The following PDXDC1 variants were observed in gnomAD, a reference collection of about 807,000 sequenced individuals.
PDXDC1 encodes the protein pyridoxal dependent decarboxylase domain containing 1.
PDXDC1 carries 42 observed loss-of-function variants against 100.1 expected under a neutral mutation model. That is an observed-to-expected ratio of 0.42 (90% CI 0.33 to 0.54). The LOEUF (loss-of-function observed/expected upper bound fraction) is 0.54. PDXDC1 is among the 20% of genes least tolerant of loss of function. The pLI is 0.10. For missense variants in PDXDC1, 636 were observed against 979.2 expected, an observed-to-expected ratio of 0.65 and a Z score of 4.68; for synonymous variants, 260 against 371.7, an observed-to-expected ratio of 0.70 and a Z score of 3.46.
At chr16:15,097,553 A>C (rs932902432) in intron 16 of PDXDC1, among the ~76,000 whole-genome samples, 56 of 150,700 alleles carry the variant, frequency 3.7e-4, no homozygotes, top group South Asian at 1.3e-3. Context: ...GAGGCAGGAG[A>C]ATGGCATGAA....
At position 15,136,214 on chromosome 16, in the gene PDXDC1, C is replaced by T. The variant is rs1031414558; in HGVS notation, c.1400-2665C>T. 4 of 652,020 alleles carry T rather than the reference C, an allele frequency of 6.1e-6. No individual in the cohort carries two copies. The African/African-American group carries it at 7.3e-5, about 12-fold the overall frequency. The allele number at this position is 652,020 out of a possible 1,614,324, so 40.4% of individuals were successfully genotyped here. ...CACAGCAGCCCGCTGGGAGCCCCAT[C>T]ACTGTCCCCCTTTCCAGATGGGGAA... On this transcript the variant is annotated intron_variant, in intron 16 of 16. Transcript: ENST00000535621.
intron 3 of PDXDC1, among the ~76,000 whole-genome samples, chr16:14,998,751 G>C (rs8050466): frequency 1.3e-5 from 2 of 152,260 alleles, no homozygotes; most frequent in Admixed American, 6.5e-5. Flanking sequence ...CACTGTGCCC[G>C]GCCTACATTT....
At chr16:15,014,173 C>G (rs1401762552) in intron 8 of PDXDC1, among the ~76,000 whole-genome samples, 1 of 151,800 alleles carries the variant, frequency 6.6e-6, no homozygotes, top group Admixed American at 6.6e-5. Context: ...CGCTGCTGCA[C>G]TCCGGCCTGG....
chr16:15,029,758 G>T (rs56859518), intron 15 of PDXDC1, 193 bp from the exon 16 acceptor site: 123,839 of 543,218 alleles, frequency 0.23, 8,457 homozygotes, highest in East Asian at 0.5. Context: ...TTTCTACAAT[G>T]AACTTGTATT....
rs1422376465 is a variant in PDXDC1, at chr16:15,137,631, T to C, written c.1400-1248T>C. The stretch of plus-strand genomic sequence containing the variant: ...CGCCCGCCGCACTCACAGGCTCCCA[T>C]GCTGTTCCCTTGGCCCGGAGCCCCC... On this transcript the variant is annotated intron_variant, in intron 16 of 16. Coordinates refer to the PDXDC1 transcript ENST00000535621. 9.8e-6 allele frequency: 13 copies of C among 1,331,580 alleles called. No homozygotes were observed. The Admixed American group carries it at 9.9e-5, about 10-fold the overall frequency. The allele number at this position is 1,331,580 out of a possible 1,614,324, so 82.5% of individuals were successfully genotyped here. A position where few individuals can be genotyped will look rare whatever the true frequency, so the allele number is the denominator to read the frequency against.
At chr16:15,128,288 T>C (rs757369026) in intron 16 of PDXDC1, 1 of 1,610,654 alleles carries the variant, frequency 6.2e-7, no homozygotes, top group East Asian at 2.2e-5. Flanking sequence ...ATCCGGAAGA[T>C]GTCCAGGCTG....
At chr16:15,145,749 C>T in the PDXDC1 span, among the ~76,000 whole-genome samples, 1 of 152,280 alleles carries the variant, frequency 6.6e-6, no homozygotes, top group Non-Finnish European at 1.5e-5. Context: ...GCTGCGCTCA[C>T]TCTGCAGGGA....
intron 16 of PDXDC1, among the ~76,000 whole-genome samples, chr16:15,122,068 G>A (rs991328288): frequency 1.8e-4 from 27 of 151,478 alleles, no homozygotes; most frequent in African/African-American, 6.0e-4. Flanking sequence ...GGAGGCTGAG[G>A]CAGGACAATT....
chr16:15,054,140 A>C (rs1332007089), intron 16 of PDXDC1, among the ~76,000 whole-genome samples: 2 of 152,276 alleles, frequency 1.3e-5, no homozygotes, highest in African/African-American at 4.8e-5. Context: ...GCCGCGCCCC[A>C]GGCGGCTTGC....
chr16:15,077,530 G>A (rs1168300871), intron 16 of PDXDC1, among the ~76,000 whole-genome samples: 1 of 152,066 alleles, frequency 6.6e-6, no homozygotes, highest in African/African-American at 2.4e-5. Flanking sequence ...CAGCCATGTG[G>A]AACTGTAAGT....
chr16:14,987,770 C>T (rs1314014895), intron 1 of PDXDC1, among the ~76,000 whole-genome samples: 1 of 152,278 alleles, frequency 6.6e-6, no homozygotes, highest in African/African-American at 2.4e-5. Context: ...CCCCACCACG[C>T]CTGGCTAATT....
At chr16:15,066,808 C>T (rs889241405) in intron 16 of PDXDC1, among the ~76,000 whole-genome samples, 5 of 151,534 alleles carry the variant, frequency 3.3e-5, no homozygotes, top group African/African-American at 1.2e-4. Context: ...ATGGTACACG[C>T]CTTTATTTAC....
the PDXDC1 span, among the ~76,000 whole-genome samples, chr16:15,147,390 CA>C: frequency 4.6e-5 from 7 of 152,334 alleles, no homozygotes; most frequent in African/African-American, 1.4e-4. Flanking sequence ...CTCAGAGCCT[CA>C]ATTTCCTGGT....
the PDXDC1 span, among the ~76,000 whole-genome samples, chr16:15,148,540 G>A: frequency 4.8e-4 from 72 of 151,154 alleles, 1 homozygote; most frequent in African/African-American, 1.0e-3. Flanking sequence ...ACACCACCAC[G>A]CCCGGCCAAT....
rs57542228 is a variant in PDXDC1 at position 15,032,668 on chromosome 16, A to AAAAAAAAAAAAAAAAAAAAG, written c.1572-192_1572-191insAAAAAAAAAAAAAAAAAAGA. 1.5e-3 allele frequency: 565 copies of AAAAAAAAAAAAAAAAAAAAG among 379,996 alleles called. 27 individuals carry two copies. Among genetic ancestry groups the AAAAAAAAAAAAAAAAAAAAG allele is most frequent in the African/African-American group, 6.4e-3 (288 of 44,884 alleles). 23.5% of individuals were successfully genotyped at this position (379,996 alleles called of 1,614,324 possible). On this transcript the variant is annotated intron_variant, in intron 17 of 22. Coordinates refer to ENST00000396410, the MANE Select transcript of PDXDC1 (RefSeq NM_015027.4). ...GACCCTGCTTTAAAAAAAAAAAAAA[A>AAAAAAAAAAAAAAAAAAAAG]AGGCTTTCCTGTGACTTTCTCTTTA...
chr16:15,031,098 GCAC>G (rs2043032249), intron 16 of PDXDC1, among the ~76,000 whole-genome samples: 2 of 146,460 alleles, frequency 1.4e-5, no homozygotes, highest in South Asian at 2.2e-4. Flanking sequence ...CTACAGGCGA[GCAC>G]CACCACATCT....
intron 6 of PDXDC1, 105 bp from the exon 7 acceptor site, chr16:15,008,674 T>C: frequency 9.3e-7 from 1 of 1,077,194 alleles, no homozygotes; most frequent in Non-Finnish European, 1.4e-6. Context: ...GGAGAGAGAT[T>C]TCTTAGAAGA....
rs532826985 is a variant in PDXDC1 at position 15,130,635 on chromosome 16, C to T, written c.1400-8244C>T. ...TGCCAGGCCGGCCCGCAGAGCTCACCCCGGGGAAATGAAGAAGGTGTAGGG... is the reference window on the plus strand; with the variant it reads ...TGCCAGGCCGGCCCGCAGAGCTCACTCCGGGGAAATGAAGAAGGTGTAGGG... On this transcript the variant is annotated intron_variant, in intron 16 of 16. Coordinates refer to the PDXDC1 transcript ENST00000535621. The T allele has an allele frequency of 4.1e-5, 55 of 1,345,670 alleles. No individual in the cohort carries two copies. In the East Asian group the frequency reaches 1.1e-3, roughly 27 times the overall value. 83.4% of individuals were successfully genotyped at this position (1,345,670 alleles called of 1,614,324 possible).
Position 15,036,142 on chromosome 16 carries a change from A to C in PDXDC1, c.2234A>C (p.Glu745Ala). 6.2e-7 allele frequency: 1 copy of C among 1,614,128 alleles called. No homozygotes were observed. The change falls in exon 23 of 23, where the codon GAG becomes GCG. Residue 745 changes from glutamate (E) to alanine (A), a missense_variant. Transcript: ENST00000396410. The part of the protein sequence containing the change: ...LSSGPEQITL[E>A]ASSTEGHPGA... Reference sequence around the variant, plus strand: ...AGTGGGCCGGAGCAGATCACCCTCGAGGCCAGCAGCACTGAGGGACACCCA... The same window carrying C: ...AGTGGGCCGGAGCAGATCACCCTCGCGGCCAGCAGCACTGAGGGACACCCA...
Sources: gnomAD v4.1 joint callset for allele counts (sites outside exome capture counted in the v4.1 genomes callset) on GRCh38, gnomAD v4.1.1 for gene constraint, MANE v1.5 for transcripts, NCBI Gene and HGNC (gene_info 2026-07-23, HGNC 2026-07-21) for gene names.